Variants in BOD1 observed in about 807,000 individuals in gnomAD.
The protein encoded by BOD1 is biorientation of chromosomes in cell division protein 1.
In BOD1, 11 loss-of-function variants were observed where a neutral mutation model predicts 15.7. That is an observed-to-expected ratio of 0.70 (90% CI 0.44 to 1.16). The LOEUF is 1.16. BOD1 is among the 50% of genes most tolerant of loss of function. BOD1 has a pLI of 0.00. For synonymous variants in BOD1, 105 were observed against 103.5 expected, an observed-to-expected ratio of 1.01 and a Z score of -0.09; for missense variants, 182 against 244.5, an observed-to-expected ratio of 0.74 and a Z score of 1.70.
intron 1 of BOD1, among the ~76,000 whole-genome samples, chr5:173,614,300 G>A (rs1184301232): frequency 6.6e-6 from 1 of 152,158 alleles, no homozygotes; most frequent in Non-Finnish European, 1.5e-5. Flanking sequence ...TAACGCACCT[G>A]GTTTGAGATG....
In BOD1 at chr5:173,616,430, C is replaced by T; in HGVS notation, c.7G>A (p.Asp3Asn). 1 of 1,552,104 alleles carries T rather than the reference C, an allele frequency of 6.4e-7. No individual in the cohort carries two copies. The highest frequency in any genetic ancestry group is 2.5e-5 in the East Asian group (1 of 40,382). ...CCAGTTCCCCCGCCGCCGCCGCCGT[C>T]CGCCATGGCTGCGCCCCGGGCCCAC... is the stretch of plus-strand genomic sequence containing the variant. The part of the protein sequence containing the change: MA[D>N]GGGGGGTGAV... The change falls in exon 1 of 4, where the codon GAC (aspartate) becomes AAC (asparagine). Residue 3 changes from aspartate to asparagine, a missense_variant. Coordinates refer to ENST00000311086, the MANE Select transcript of BOD1 (RefSeq NM_138369.3).
rs530365629 is a variant in BOD1, at chr5:173,610,087, C to A, written c.363-653G>T. ...ATCCTTTCTGAAGTAGAGCAAAAAT[C>A]AGGGCATATCAATGTCTATATTCAA... On this transcript the variant is annotated intron_variant, in intron 2 of 3. Coordinates refer to ENST00000311086, the MANE Select transcript of BOD1 (RefSeq NM_138369.3). Among the ~76,000 whole-genome samples the A allele has an allele frequency of 2.0e-5, 3 of 152,308 alleles. No individual in the cohort carries two copies. In the East Asian group the frequency reaches 5.8e-4, roughly 29 times the overall value.
chr5:173,616,071 G>A, intron 1 of BOD1, 129 bp downstream of exon 1: 2 of 1,164,012 alleles, frequency 1.7e-6, no homozygotes, highest in South Asian at 1.4e-5. Flanking sequence ...TGCCCCAAGC[G>A]GTGTAAGACC....
Position 173,609,450 on chromosome 5 carries a change from A to G in BOD1, c.363-16T>C. On this transcript the variant is annotated splice_polypyrimidine_tract_variant and intron_variant, in intron 2 of 3. Transcript: ENST00000311086. ...CATCCCTGACCTTGTGGAGACAAAC[A>G]GATCATTCTGTTATTTAGTTCCTTC... The G allele has an allele frequency of 8.2e-7, 1 of 1,217,440 alleles. No homozygotes were observed. Among genetic ancestry groups the G allele is most frequent in the African/African-American group, 2.8e-5 (1 of 35,452 alleles). The allele number at this position is 1,217,440 out of a possible 1,614,324, so 75.4% of individuals were successfully genotyped here.
At position 173,608,169 on chromosome 5, in the gene BOD1, G is replaced by T; in HGVS notation, c.*125C>A. On this transcript the variant is annotated 3_prime_UTR_variant, in exon 4 of 4. Coordinates refer to ENST00000311086, the MANE Select transcript of BOD1 (RefSeq NM_138369.3). ...CCCTTTCAATCTGGTCACTGCCCAT[G>T]GTCAAGGTTGAAATCTTGAGATCAG... The T allele has an allele frequency of 8.4e-7, 1 of 1,196,526 alleles. No individual in the cohort carries two copies. The highest frequency in any genetic ancestry group is 1.2e-6 in the Non-Finnish European group (1 of 802,874). The allele number at this position is 1,196,526 out of a possible 1,614,324, so 74.1% of individuals were successfully genotyped here.
chr5:173,614,630 C>T (rs1292833990), intron 1 of BOD1: 7 of 152,206 alleles, frequency 4.6e-5, no homozygotes, highest in Non-Finnish European at 8.8e-5. Context: ...CTTTGAGAAC[C>T]ACTGGGCTGA....
In BOD1 at chr5:173,609,429, C is replaced by T; in HGVS notation, c.368G>A (p.Gly123Glu). 2.5e-6 allele frequency: 4 copies of T among 1,614,128 alleles called. No homozygotes were observed. Among genetic ancestry groups the T allele is most frequent in the Non-Finnish European group, 3.4e-6 (4 of 1,179,970 alleles). ...NGLRQSVVQS[G>E]MLEAGVDRII... is the part of the protein sequence containing the mutation. ...CCTGTCTACTCCAGCTTCCAACATC[C>T]CTGACCTTGTGGAGACAAACAGATC... Residue 123 changes from glycine to glutamate, a missense_variant, in exon 3 of 4, where the codon GGG becomes GAG. Transcript: ENST00000311086.
chr5:173,608,380 AAAAG>A, intron 3 of BOD1, 88 bp from the exon 4 acceptor site: 1 of 1,050,430 alleles, frequency 9.5e-7, no homozygotes, highest in Non-Finnish European at 1.4e-6. Context: ...TTTACAATTA[AAAAG>A]AAAGACTTAA....
At chr5:173,613,374 T>G in intron 1 of BOD1, 119 bp from the exon 2 acceptor site, 1 of 1,199,502 alleles carries the variant, frequency 8.3e-7, no homozygotes, top group Admixed American at 2.1e-5. Context: ...ACTTCCACTG[T>G]GCATGAAGAT....
At position 173,616,324 on chromosome 5, in the gene BOD1, G is replaced by C. The variant is rs1755498168; in HGVS notation, c.113C>G (p.Pro38Arg). 3 of 1,533,532 alleles carry C rather than the reference G, an allele frequency of 2.0e-6. No individual in the cohort carries two copies. Among genetic ancestry groups the C allele is most frequent in the Non-Finnish European group, 2.6e-6 (3 of 1,144,686 alleles). The allele number at this position is 1,533,532 out of a possible 1,614,324, so 95.0% of individuals were successfully genotyped here. ...GGGAGGCAGCGAGGCCGGGTTGATG[G>C]GGCCACCGCCCCCGCTGGCCCCAGT... is the stretch of plus-strand genomic sequence containing the variant. Reference protein sequence around the residue: ...GATGASGGGGPINPASLPPGD... With the variant: ...GATGASGGGGRINPASLPPGD... Residue 38 changes from proline (P) to arginine (R), a missense_variant, in exon 1 of 4, where the codon CCC becomes CGC. Pro to Arg is a moderately radical substitution (Grantham distance 103). Coordinates refer to ENST00000311086, the MANE Select transcript of BOD1 (RefSeq NM_138369.3).
chr5:173,614,967 A>G (rs1303426396), intron 1 of BOD1: 3 of 152,266 alleles, frequency 2.0e-5, no homozygotes, highest in African/African-American at 7.2e-5. Context: ...AAACCGCAGA[A>G]AGCAAAACCT....
At chr5:173,613,873 C>T (rs1249460224) in intron 1 of BOD1, among the ~76,000 whole-genome samples, 2 of 152,218 alleles carry the variant, frequency 1.3e-5, no homozygotes, top group South Asian at 2.1e-4. Flanking sequence ...TGCCTAGTAA[C>T]GCCTTCTTTC....
At chr5:173,611,850 C>G (rs1180477925) in intron 2 of BOD1, among the ~76,000 whole-genome samples, 1 of 152,224 alleles carries the variant, frequency 6.6e-6, no homozygotes, top group Non-Finnish European at 1.5e-5. Flanking sequence ...AGCCTTCATA[C>G]AATCATGGCA....
chr5:173,609,486 T>C (rs1333708800), intron 2 of BOD1, 52 bp from the exon 3 acceptor site: 1 of 1,389,064 alleles, frequency 7.2e-7, no homozygotes, highest in South Asian at 1.3e-5. Context: ...GGGATTCATC[T>C]TTAGCCCCAA....
In BOD1 at chr5:173,616,563, T is replaced by TGGCGATGGC; in HGVS notation, c.-136_-128dup. ...GGCCCCAAGGCGGCAGCGGCGGAGG[T>TGGCGATGGC]GGCGATGGCGGCAGGGGCGGTGGTG... On this transcript the variant is annotated 5_prime_UTR_variant, in exon 1 of 4. Coordinates refer to ENST00000311086, the MANE Select transcript of BOD1 (RefSeq NM_138369.3). 7.3e-7 allele frequency: 1 copy of TGGCGATGGC among 1,379,064 alleles called. No homozygotes were observed. Among genetic ancestry groups the TGGCGATGGC allele is most frequent in the Non-Finnish European group, 9.3e-7 (1 of 1,072,698 alleles). 85.4% of individuals were successfully genotyped at this position (1,379,064 alleles called of 1,614,324 possible).
intron 1 of BOD1, chr5:173,614,860 A>G (rs1195022494): frequency 2.6e-5 from 4 of 152,260 alleles, no homozygotes; most frequent in African/African-American, 9.6e-5. Context: ...ACTGAACCCT[A>G]TATACACTAC....
intron 1 of BOD1, among the ~76,000 whole-genome samples, chr5:173,615,920 CA>C (rs1755483392): frequency 6.6e-6 from 1 of 152,126 alleles, no homozygotes; most frequent in South Asian, 2.1e-4. Flanking sequence ...AGAGGAGTTC[CA>C]TCTTGGGAAT....
chr5:173,609,184 A>T, intron 3 of BOD1, 54 bp downstream of exon 3: 1 of 1,523,798 alleles, frequency 6.6e-7, no homozygotes, highest in Non-Finnish European at 8.9e-7. Flanking sequence ...TATCCATTTT[A>T]CATATCTACA....
At chr5:173,616,049 A>AGCT (rs1755487172) in intron 1 of BOD1, 151 bp downstream of exon 1, 2 of 944,194 alleles carry the variant, frequency 2.1e-6, no homozygotes, top group Admixed American at 5.6e-5. Context: ...TCGCTCAGAA[A>AGCT]GCTCTCCGTA....
Sources: allele counts gnomAD v4.1 joint callset (sites outside exome capture counted in the v4.1 genomes callset), GRCh38; gene constraint gnomAD v4.1.1; transcripts MANE v1.5; gene names NCBI Gene and HGNC (gene_info 2026-07-23, HGNC 2026-07-21).